PRKCE: variants seen among roughly 807,000 people sequenced by gnomAD.
PRKCE encodes protein kinase C epsilon type.
A neutral mutation model predicts 85.4 loss-of-function variants in PRKCE; 16 were observed. The observed-to-expected ratio is 0.19, with a 90% confidence interval of 0.13 to 0.28. The LOEUF (loss-of-function observed/expected upper bound fraction) is 0.28. Among genes scored for constraint, PRKCE ranks in the 10% least tolerant of loss-of-function variants. The pLI is 1.00. For missense variants in PRKCE, 573 were observed against 975.2 expected (o/e 0.59, Z 5.49); for synonymous variants, 388 against 371.5 (o/e 1.04, Z -0.51).
At chr2:45,901,809 C>T (rs924541519) in intron 2 of PRKCE, among the ~76,000 whole-genome samples, 4 of 152,138 alleles carry the variant, frequency 2.6e-5, no homozygotes, top group African/African-American at 7.2e-5. Flanking sequence ...AAGTCTGTAC[C>T]GTGCTGGCCT....
intron 1 of PRKCE, among the ~76,000 whole-genome samples, chr2:45,726,934 G>T (rs1248529047): frequency 1.3e-5 from 2 of 152,108 alleles, no homozygotes; most frequent in African/African-American, 4.8e-5. Flanking sequence ...AACCTTTCTG[G>T]CCCTTACTTT....
At position 45,914,215 on chromosome 2, in the gene PRKCE, T is replaced by C. The variant is rs149692882; in HGVS notation, c.413-62214T>C. On this transcript the variant is annotated intron_variant, in intron 2 of 14. Transcript: ENST00000306156. Reference sequence around the variant, plus strand: ...TTATAATTAGGAAGATAAATTCATATGTGAATTCAAAAAAATAACAATGCA... The same window carrying C: ...TTATAATTAGGAAGATAAATTCATACGTGAATTCAAAAAAATAACAATGCA... Among the ~76,000 whole-genome samples the C allele has an allele frequency of 2.0e-3, 310 of 152,356 alleles. 2 individuals are homozygous for C. The highest frequency in any genetic ancestry group is 7.1e-3 in the African/African-American group (294 of 41,596).
chr2:45,863,730 G>A (rs1693355580), intron 2 of PRKCE, among the ~76,000 whole-genome samples: 4 of 152,066 alleles, frequency 2.6e-5, no homozygotes, highest in Non-Finnish European at 5.9e-5. Flanking sequence ...TCGGAATACG[G>A]CTTGCAAGCA....
intron 10 of PRKCE, among the ~76,000 whole-genome samples, chr2:46,057,982 C>T (rs937141161): frequency 5.3e-5 from 8 of 152,212 alleles, no homozygotes; most frequent in Non-Finnish European, 7.3e-5. Flanking sequence ...AAAGAGAATG[C>T]GAACCTTGGT....
At chr2:45,735,765 C>T (rs1168377949) in intron 1 of PRKCE, among the ~76,000 whole-genome samples, 1 of 152,118 alleles carries the variant, frequency 6.6e-6, no homozygotes, top group East Asian at 1.9e-4. Flanking sequence ...GAAGGCAAGC[C>T]GGATCCTTAT....
intron 1 of PRKCE, among the ~76,000 whole-genome samples, chr2:45,744,524 CTTT>C (rs59521340): frequency 0.013 from 477 of 35,744 alleles, 17 homozygotes; most frequent in African/African-American, 0.038. Flanking sequence ...TTCTTTCTTT[CTTT>C]TTCTTTCCTT....
At chr2:45,937,392 C>T (rs962568630) in intron 2 of PRKCE, among the ~76,000 whole-genome samples, 1 of 152,142 alleles carries the variant, frequency 6.6e-6, no homozygotes, top group African/African-American at 2.4e-5. Context: ...GTAGGCCCCA[C>T]ATTTTTGACA....
intron 10 of PRKCE, among the ~76,000 whole-genome samples, chr2:46,032,824 T>G (rs1235918960): frequency 6.6e-6 from 1 of 152,248 alleles, no homozygotes; most frequent in Non-Finnish European, 1.5e-5. Context: ...TGTGTGCTTT[T>G]GGGATATCGA....
chr2:45,696,656 CTG>C (rs1303508984), intron 1 of PRKCE, among the ~76,000 whole-genome samples: 1 of 152,198 alleles, frequency 6.6e-6, no homozygotes, highest in Non-Finnish European at 1.5e-5. Context: ...GCTTTGGAGT[CTG>C]TGGCGGTAAG....
At chr2:46,043,436 A>T (rs1333640805) in intron 10 of PRKCE, among the ~76,000 whole-genome samples, 1 of 152,230 alleles carries the variant, frequency 6.6e-6, no homozygotes, top group Non-Finnish European at 1.5e-5. Context: ...AACATTTGAA[A>T]TACCCATTGA....
At chr2:45,817,468 C>T (rs1193205381) in intron 1 of PRKCE, among the ~76,000 whole-genome samples, 5 of 151,942 alleles carry the variant, frequency 3.3e-5, no homozygotes, top group Non-Finnish European at 5.9e-5. Context: ...CTGAGGAGGG[C>T]GAATCACGAG....
At chr2:45,796,188 G>A (rs1687421218) in intron 1 of PRKCE, among the ~76,000 whole-genome samples, 1 of 152,078 alleles carries the variant, frequency 6.6e-6, no homozygotes, top group South Asian at 2.1e-4. Context: ...CCAGTTAGTT[G>A]TCTTATTCTA....
chr2:45,939,120 A>G (rs1426469623), intron 2 of PRKCE, among the ~76,000 whole-genome samples: 1 of 152,228 alleles, frequency 6.6e-6, no homozygotes, highest in Non-Finnish European at 1.5e-5. Context: ...CGGAAAATAT[A>G]AAACCAAAAC....
chr2:45,985,801 G>C (rs1253826695), intron 6 of PRKCE, among the ~76,000 whole-genome samples: 1 of 152,214 alleles, frequency 6.6e-6, no homozygotes, highest in Non-Finnish European at 1.5e-5. Flanking sequence ...TAGAAATGGA[G>C]CCTGAGCTGG....
In PRKCE at chr2:45,794,095, G is replaced by A. The variant is rs983478040; in HGVS notation, c.349-48905G>A. Among the ~76,000 whole-genome samples the A allele has an allele frequency of 1.1e-4, 16 of 152,194 alleles. No individual in the cohort carries two copies. In the South Asian group the frequency reaches 1.2e-3, roughly 12 times the overall value. ...ACCCCAGCTAGAGAAGCAGGGAGACGCAGATGTTTCAGCTTGTTGCAAATG... is the reference window on the plus strand; with the variant it reads ...ACCCCAGCTAGAGAAGCAGGGAGACACAGATGTTTCAGCTTGTTGCAAATG... On this transcript the variant is annotated intron_variant, in intron 1 of 14. Transcript: ENST00000306156.
At chr2:46,154,033 C>A (rs1346153597) in intron 13 of PRKCE, among the ~76,000 whole-genome samples, 1 of 152,142 alleles carries the variant, frequency 6.6e-6, no homozygotes, top group Non-Finnish European at 1.5e-5. Context: ...GATCCGCCCG[C>A]CTCAGCCTCA....
intron 11 of PRKCE, among the ~76,000 whole-genome samples, chr2:46,109,777 C>A (rs1055479841): frequency 2.6e-5 from 4 of 152,056 alleles, no homozygotes; most frequent in Non-Finnish European, 5.9e-5. Flanking sequence ...TTGTCTGTTA[C>A]AGATCTTAGT....
At chr2:45,856,779 C>T (rs1017012568) in intron 2 of PRKCE, among the ~76,000 whole-genome samples, 3 of 152,188 alleles carry the variant, frequency 2.0e-5, no homozygotes, top group African/African-American at 7.2e-5. Flanking sequence ...TTTTAAGATT[C>T]CACCTATGAG....
chr2:46,106,113 A>G (rs1171566038), intron 11 of PRKCE, among the ~76,000 whole-genome samples: 1 of 152,220 alleles, frequency 6.6e-6, no homozygotes, highest in African/African-American at 2.4e-5. Flanking sequence ...ATAAATCTGC[A>G]AACATTTTTC....
Sources: gnomAD v4.1 joint callset for allele counts (sites outside exome capture counted in the v4.1 genomes callset) on GRCh38, gnomAD v4.1.1 for gene constraint, MANE v1.5 for transcripts, NCBI Gene and HGNC (gene_info 2026-07-23, HGNC 2026-07-21) for gene names.